Variants in MYO1E observed in about 807,000 individuals in gnomAD.
The protein encoded by MYO1E is unconventional myosin-Ie.
MYO1E carries 68 observed loss-of-function variants against 151.1 expected under a neutral mutation model. That is an observed-to-expected ratio of 0.45 (90% CI 0.37 to 0.55). The LOEUF (loss-of-function observed/expected upper bound fraction) is 0.55. MYO1E is among the 20% of genes least tolerant of loss of function. The pLI is 0.00. For synonymous variants in MYO1E, 601 were observed against 501.7 expected (o/e 1.20, Z -2.64); for missense variants, 1,363 against 1,389.3 (o/e 0.98, Z 0.30).
intron 24 of MYO1E, 30 bp from the exon 25 acceptor site, chr15:59,158,409 G>T: frequency 6.6e-7 from 1 of 1,518,682 alleles, no homozygotes; most frequent in Non-Finnish European, 8.9e-7. Context: ...GTTAAAACCA[G>T]TGCTACTGGT....
chr15:59,171,193 G>C (rs775077996), intron 22 of MYO1E: 10 of 156,204 alleles, frequency 6.4e-5, no homozygotes, highest in Non-Finnish European at 1.5e-5. Flanking sequence ...TCCTAGTCTG[G>C]GAGTTCTTGG....
chr15:59,370,258 C>T (rs1171896876), intron 1 of MYO1E, among the ~76,000 whole-genome samples: 1 of 152,234 alleles, frequency 6.6e-6, no homozygotes, highest in Non-Finnish European at 1.5e-5. Flanking sequence ...AATGAAGTAT[C>T]ATTTGGCTTG....
At chr15:59,165,021 G>A (rs1330910520) in intron 22 of MYO1E, among the ~76,000 whole-genome samples, 8 of 152,144 alleles carry the variant, frequency 5.3e-5, no homozygotes, top group Admixed American at 3.3e-4. Flanking sequence ...AACAAGAGGC[G>A]CCATCTATAA....
chr15:59,212,628 T>C (rs1158097926), intron 12 of MYO1E: 3 of 152,188 alleles, frequency 2.0e-5, no homozygotes, highest in Admixed American at 6.5e-5. Context: ...CTTTTCTTTT[T>C]CTTTTTTTTT....
chr15:59,202,998 A>G (rs1298433814), intron 15 of MYO1E, among the ~76,000 whole-genome samples: 3 of 152,240 alleles, frequency 2.0e-5, no homozygotes, highest in Non-Finnish European at 4.4e-5. Context: ...CTCCTGCCTC[A>G]GCCTCCTGAA....
intron 1 of MYO1E, among the ~76,000 whole-genome samples, chr15:59,287,024 A>G (rs1289348572): frequency 6.6e-6 from 1 of 152,160 alleles, no homozygotes; most frequent in African/African-American, 2.4e-5. Flanking sequence ...GGGCCGCTCA[A>G]TGTGTGATCA....
rs776145891 is a variant in MYO1E, at chr15:59,135,211, A to G, written c.*2169T>C. On this transcript the variant is annotated 3_prime_UTR_variant, in exon 28 of 28. Coordinates refer to ENST00000288235, the MANE Select transcript of MYO1E (RefSeq NM_004998.4). The stretch of plus-strand genomic sequence containing the variant: ...GCTTGGTCTGTGATTTCCATGGATG[A>G]GGGTGTTACTCGTGGGGGTTTAACT... 2 of 152,182 alleles carry G rather than the reference A, an allele frequency of 1.3e-5. No homozygotes were observed. The highest frequency in any genetic ancestry group is 2.9e-5 in the Non-Finnish European group (2 of 68,050). 9.4% of individuals were successfully genotyped at this position (152,182 alleles called of 1,614,324 possible).
At chr15:59,271,738 A>G (rs1010148315) in intron 2 of MYO1E, among the ~76,000 whole-genome samples, 6 of 152,254 alleles carry the variant, frequency 3.9e-5, no homozygotes, top group Admixed American at 1.3e-4. Flanking sequence ...AAATGCAGAA[A>G]AACTGGCAAC....
chr15:59,202,298 T>C (rs1321398001), intron 16 of MYO1E, 28 bp downstream of exon 16: 6 of 1,596,298 alleles, frequency 3.8e-6, no homozygotes, highest in Non-Finnish European at 5.2e-6. Flanking sequence ...CTTATAAGAA[T>C]CTATAAACTT....
chr15:59,315,968 G>A (rs2080586313), intron 1 of MYO1E, among the ~76,000 whole-genome samples: 2 of 152,124 alleles, frequency 1.3e-5, no homozygotes, highest in South Asian at 4.1e-4. Flanking sequence ...ACATTTTGTA[G>A]ACACTGAGGA....
chr15:59,194,212 G>A (rs763323141), intron 17 of MYO1E, among the ~76,000 whole-genome samples: 4 of 152,180 alleles, frequency 2.6e-5, no homozygotes, highest in East Asian at 1.9e-4. Flanking sequence ...TGCATCTATG[G>A]ATGAGATTAT....
In MYO1E at chr15:59,184,063, C is replaced by T. The variant is rs151000165; in HGVS notation, c.1904+4055G>A. 2.6e-4 allele frequency among the ~76,000 whole-genome samples: 40 copies of T among 152,286 alleles called. 1 individual carries two copies. Among genetic ancestry groups the T allele is most frequent in the Non-Finnish European group, 4.6e-4 (31 of 68,022 alleles). On this transcript the variant is annotated intron_variant, in intron 18 of 27. Coordinates refer to ENST00000288235, the MANE Select transcript of MYO1E (RefSeq NM_004998.4). ...TCGTTCTGTCACCCAGGCTTGAGGG[C>T]AGTGGCGTAATCTCGGCTCACTGCA...
chr15:59,162,671 A>T (rs1264089488), intron 23 of MYO1E, among the ~76,000 whole-genome samples: 1 of 151,608 alleles, frequency 6.6e-6, no homozygotes, highest in Non-Finnish European at 1.5e-5. Context: ...AAAAAAAAAA[A>T]AAAGAAAGAA....
intron 1 of MYO1E, among the ~76,000 whole-genome samples, chr15:59,349,075 G>C (rs145277230): frequency 2.6e-5 from 4 of 152,246 alleles, no homozygotes; most frequent in East Asian, 1.9e-4. Flanking sequence ...GGGGGTCCAG[G>C]GGAGGGAATT....
intron 1 of MYO1E, among the ~76,000 whole-genome samples, chr15:59,296,697 T>A (rs1199446661): frequency 6.6e-6 from 1 of 152,118 alleles, no homozygotes; most frequent in Admixed American, 6.5e-5. Flanking sequence ...TGCTGATCCA[T>A]CCCAGAGTAA....
chr15:59,144,162 TATTA>T (rs1304778064), intron 26 of MYO1E, among the ~76,000 whole-genome samples: 1 of 151,984 alleles, frequency 6.6e-6, no homozygotes, highest in Admixed American at 6.5e-5. Flanking sequence ...TTTATTTATT[TATTA>T]ATTTATTTTT....
At chr15:59,322,275 A>G (rs1430331515) in intron 1 of MYO1E, among the ~76,000 whole-genome samples, 4 of 152,136 alleles carry the variant, frequency 2.6e-5, no homozygotes, top group Non-Finnish European at 4.4e-5. Flanking sequence ...GCATCACGCA[A>G]TATACCCAAG....
intron 16 of MYO1E, among the ~76,000 whole-genome samples, chr15:59,201,366 T>C (rs1449508059): frequency 1.3e-5 from 2 of 151,642 alleles, no homozygotes; most frequent in African/African-American, 4.8e-5. Flanking sequence ...AGTGTTGGGA[T>C]TACAGGCCAG....
At chr15:59,256,246 A>G (rs752714572) in intron 4 of MYO1E, 38 bp downstream of exon 4, 5 of 1,478,848 alleles carry the variant, frequency 3.4e-6, no homozygotes, top group Non-Finnish European at 3.8e-6. Flanking sequence ...GCATAGTCTC[A>G]TATCTTCCAC....
Sources: allele counts gnomAD v4.1 joint callset (sites outside exome capture counted in the v4.1 genomes callset), GRCh38; gene constraint gnomAD v4.1.1; transcripts MANE v1.5; gene names NCBI Gene and HGNC (gene_info 2026-07-23, HGNC 2026-07-21).